ARHGAP32: variants seen among roughly 807,000 people sequenced by gnomAD.
ARHGAP32 encodes the protein Rho GTPase activating protein 32, also known as rho GTPase-activating protein 32.
ARHGAP32 carries 51 observed loss-of-function variants against 186.5 expected under a neutral mutation model. The ratio of observed to expected loss-of-function variants is 0.27; its 90% CI spans 0.22 to 0.35. The LOEUF is 0.35. ARHGAP32 is among the 10% of genes least tolerant of loss of function. ARHGAP32 has a pLI of 1.00. For synonymous variants in ARHGAP32, 950 were observed against 964.3 expected (o/e 0.99, Z 0.27); for missense variants, 2,186 against 2,623.5 (o/e 0.83, Z 3.64).
intron 2 of ARHGAP32, among the ~76,000 whole-genome samples, chr11:129,148,651 G>A (rs1246273384): frequency 6.6e-6 from 1 of 152,144 alleles, no homozygotes; most frequent in Non-Finnish European, 1.5e-5. Context: ...AATTGCTTCA[G>A]ATACAAACGT....
chr11:128,981,230 T>G (rs1379625148), intron 17 of ARHGAP32, among the ~76,000 whole-genome samples, 186 bp downstream of exon 17: 1 of 152,228 alleles, frequency 6.6e-6, no homozygotes, highest in Non-Finnish European at 1.5e-5. Context: ...ATAGGTCTCA[T>G]ATGTAGTATT....
chr11:128,983,622 A>T (rs1012191087), intron 15 of ARHGAP32, among the ~76,000 whole-genome samples: 1 of 152,064 alleles, frequency 6.6e-6, no homozygotes, highest in African/African-American at 2.4e-5. Context: ...GTGCACATGT[A>T]CCCTAAAACT....
chr11:129,022,265 A>G (rs1003789473), intron 11 of ARHGAP32, among the ~76,000 whole-genome samples: 1 of 152,144 alleles, frequency 6.6e-6, no homozygotes, highest in Non-Finnish European at 1.5e-5. Context: ...TTGTCAGATT[A>G]AATTGTAATC....
At chr11:129,220,456 A>G (rs1166430385) in intron 1 of ARHGAP32, among the ~76,000 whole-genome samples, 1 of 152,214 alleles carries the variant, frequency 6.6e-6, no homozygotes, top group African/African-American at 2.4e-5. Context: ...AGAAAACAAA[A>G]GGTCACTCAA....
chr11:129,042,236 G>A (rs1205920532), intron 10 of ARHGAP32, among the ~76,000 whole-genome samples: 2 of 151,958 alleles, frequency 1.3e-5, no homozygotes, highest in African/African-American at 4.8e-5. Flanking sequence ...CTGCAGCCTC[G>A]ATCCCCCAGG....
chr11:128,996,921 AG>A (rs1946217338), intron 12 of ARHGAP32, among the ~76,000 whole-genome samples: 1 of 152,130 alleles, frequency 6.6e-6, no homozygotes, highest in Non-Finnish European at 1.5e-5. Context: ...CTGGGATTAC[AG>A]GTGCGTACTA....
At chr11:128,977,567 G>T (rs1371743632) in intron 19 of ARHGAP32, among the ~76,000 whole-genome samples, 1 of 151,976 alleles carries the variant, frequency 6.6e-6, no homozygotes, top group African/African-American at 2.4e-5. Context: ...TGTCAGTTAG[G>T]TGAATCCCTA....
Position 129,164,397 on chromosome 11 carries a change from T to C in ARHGAP32, c.147A>G (p.Glu49=). The C allele has an allele frequency of 1.3e-6, 2 of 1,570,844 alleles. No individual in the cohort carries two copies. The highest frequency in any genetic ancestry group is 1.7e-6 in the Non-Finnish European group (2 of 1,156,238). Residue 49 remains glutamate, a synonymous_variant, in exon 2 of 23, where the codon GAA becomes GAG. Transcript: ENST00000682385. ...TATGTAGCTCTGGAACAAAATCATC[T>C]TCTTCAGAATGTACTGAGGACTTCA... is the stretch of plus-strand genomic sequence containing the variant. ...RKMKSSVHSE[E]DDFVPELHRN...
intron 12 of ARHGAP32, among the ~76,000 whole-genome samples, chr11:128,989,417 A>G (rs1945971996): frequency 6.6e-6 from 1 of 151,854 alleles, no homozygotes; most frequent in Admixed American, 6.6e-5. Flanking sequence ...AGAGAGAGTA[A>G]GTTTTACCCA....
chr11:129,031,677 G>A (rs1425457947), intron 11 of ARHGAP32, among the ~76,000 whole-genome samples: 3 of 152,148 alleles, frequency 2.0e-5, no homozygotes, highest in Non-Finnish European at 4.4e-5. Context: ...GGGTAGAAGA[G>A]GGTGGTCCCT....
At position 129,270,469 on chromosome 11, in the gene ARHGAP32, T is replaced by C. The variant is rs773817151; in HGVS notation, c.-5+8677A>G. ...GTCATTATTAATTTGTCCAAATCCA[T>C]AGAAGGTACAACACCAAGAGTCAGT... On this transcript the variant is annotated intron_variant, in intron 1 of 6. Transcript: ENST00000525234. Among the ~76,000 whole-genome samples the C allele has an allele frequency of 3.2e-4, 49 of 151,576 alleles. No homozygotes were observed. In the Middle Eastern group the frequency reaches 0.024, roughly 75 times the overall value.
chr11:129,141,692 T>A, intron 2 of ARHGAP32, among the ~76,000 whole-genome samples: 1 of 146,350 alleles, frequency 6.8e-6, no homozygotes, highest in African/African-American at 2.5e-5. Flanking sequence ...CAATTAAAAA[T>A]AAAATATATA....
chr11:129,034,152 G>C (rs539164297), intron 11 of ARHGAP32, among the ~76,000 whole-genome samples: 1 of 152,190 alleles, frequency 6.6e-6, no homozygotes, highest in Admixed American at 6.5e-5. Flanking sequence ...CTGTCTTGAT[G>C]GGTTCTGACC....
intron 6 of ARHGAP32, among the ~76,000 whole-genome samples, chr11:129,086,122 A>T (rs1428629668): frequency 6.6e-6 from 1 of 152,220 alleles, no homozygotes; most frequent in Non-Finnish European, 1.5e-5. Context: ...GCCCAGAAAC[A>T]GACCCATATA....
At chr11:129,224,007 G>A (rs192034273) in intron 1 of ARHGAP32, among the ~76,000 whole-genome samples, 203 of 152,294 alleles carry the variant, frequency 1.3e-3, no homozygotes, top group Non-Finnish European at 2.0e-3. Context: ...TTCTTCTTGA[G>A]TACAAGTGAA....
intron 11 of ARHGAP32, among the ~76,000 whole-genome samples, chr11:129,014,825 CAG>C (rs1938251525): frequency 6.6e-6 from 1 of 152,152 alleles, no homozygotes; most frequent in African/African-American, 2.4e-5. Flanking sequence ...AATACAAATA[CAG>C]GCAACTGGAT....
intron 1 of ARHGAP32, among the ~76,000 whole-genome samples, chr11:129,211,725 C>T (rs527398888): frequency 6.6e-6 from 1 of 152,284 alleles, no homozygotes; most frequent in African/African-American, 2.4e-5. Context: ...TTGAAAACTT[C>T]CACAGTTGAT....
intron 11 of ARHGAP32, among the ~76,000 whole-genome samples, chr11:129,025,526 T>C (rs1187436778): frequency 6.6e-6 from 1 of 152,144 alleles, no homozygotes; most frequent in Non-Finnish European, 1.5e-5. Context: ...CTCTTAAAAT[T>C]TACTCCTATT....
intron 6 of ARHGAP32, among the ~76,000 whole-genome samples, chr11:129,092,667 G>A (rs992453147): frequency 8.6e-5 from 13 of 151,818 alleles, no homozygotes; most frequent in Admixed American, 8.5e-4. Flanking sequence ...AAAAAGAAAC[G>A]CACTTAATTC....
Sources: allele counts gnomAD v4.1 joint callset (sites outside exome capture counted in the v4.1 genomes callset), GRCh38; gene constraint gnomAD v4.1.1; transcripts MANE v1.5; gene names NCBI Gene and HGNC (gene_info 2026-07-23, HGNC 2026-07-21).